RBFOX1: variants seen among roughly 807,000 people sequenced by gnomAD.
The protein encoded by RBFOX1 is RNA binding protein fox-1 homolog 1.
Under a neutral mutation model 57.7 loss-of-function variants are expected in RBFOX1, and 8 were observed. The observed-to-expected ratio is 0.14, with a 90% confidence interval of 0.08 to 0.25. RBFOX1 has a LOEUF of 0.25. Among genes scored for constraint, RBFOX1 ranks in the 10% least tolerant of loss-of-function variants. RBFOX1 has a pLI of 1.00. For missense variants in RBFOX1, 611 were observed against 548.5 expected (o/e 1.11, Z -1.14); for synonymous variants, 326 against 222.4 (o/e 1.47, Z -4.15).
chr16:6,468,412 G>A (rs1051126363), intron 2 of RBFOX1, among the ~76,000 whole-genome samples: 9 of 152,128 alleles, frequency 5.9e-5, no homozygotes, highest in African/African-American at 1.7e-4. Flanking sequence ...GCCCCGCAAC[G>A]ATGTTGTAAA....
chr16:5,256,383 T>C lies in RBFOX1; in HGVS notation c.219+16278T>C, dbSNP rs142969987. ...TCAAGTTCGGGGAGGGGGCTGACAA[T>C]GACCATGACCTTCACCTGTCCTCAC... is the stretch of plus-strand genomic sequence containing the variant. On this transcript the variant is annotated intron_variant, in intron 1 of 2. Coordinates refer to the RBFOX1 transcript ENST00000585867. 4.2e-3 allele frequency among the ~76,000 whole-genome samples: 636 copies of C among 152,256 alleles called. 4 individuals are homozygous for C. The highest frequency in any genetic ancestry group is 0.015 in the African/African-American group (606 of 41,544).
intron 3 of RBFOX1, among the ~76,000 whole-genome samples, chr16:5,801,922 G>T (rs528140827): frequency 6.6e-6 from 1 of 152,166 alleles, no homozygotes; most frequent in African/African-American, 2.4e-5. Flanking sequence ...ATAAAGGAAA[G>T]CGAATTCCCC....
At chr16:5,858,757 A>C (rs999643071) in intron 3 of RBFOX1, among the ~76,000 whole-genome samples, 1 of 152,176 alleles carries the variant, frequency 6.6e-6, no homozygotes, top group African/African-American at 2.4e-5. Context: ...AGGAGATGGG[A>C]AGGGAGGTAG....
chr16:6,069,290 C>T (rs578127718), intron 1 of RBFOX1, among the ~76,000 whole-genome samples: 2 of 149,686 alleles, frequency 1.3e-5, no homozygotes, highest in East Asian at 2.0e-4. Flanking sequence ...TCCAACTACT[C>T]GGGAGGCTGA....
At chr16:7,581,887 AT>A (rs752586919) in intron 6 of RBFOX1, among the ~76,000 whole-genome samples, 2 of 151,652 alleles carry the variant, frequency 1.3e-5, no homozygotes, top group South Asian at 2.1e-4. Context: ...ATTTTTAAGT[AT>A]TTTTTTTTAA....
intron 3 of RBFOX1, among the ~76,000 whole-genome samples, chr16:6,751,302 G>T (rs2074893484): frequency 1.3e-5 from 2 of 152,094 alleles, no homozygotes; most frequent in South Asian, 4.1e-4. Context: ...GTTGGCAGTG[G>T]TACGGGAGAG....
chr16:6,108,371 A>C lies in RBFOX1; in HGVS notation c.-127+88379A>C, dbSNP rs539967243. ...GTTTCCTATTCTGTGAAATAGAGAT[A>C]CTAACACTTGTAAGGTGGTTGTGAT... On this transcript the variant is annotated intron_variant, in intron 1 of 15. Transcript: ENST00000550418. 6.6e-5 allele frequency among the ~76,000 whole-genome samples: 10 copies of C among 152,298 alleles called. No homozygotes were observed. In the East Asian group the frequency reaches 1.9e-3, roughly 29 times the overall value.
At chr16:6,485,282 A>G (rs2095451923) in intron 2 of RBFOX1, among the ~76,000 whole-genome samples, 1 of 152,172 alleles carries the variant, frequency 6.6e-6, no homozygotes, top group Non-Finnish European at 1.5e-5. Context: ...GGTTATGAAG[A>G]GGGAATTGTT....
chr16:5,302,621 T>G (rs1256025764), intron 1 of RBFOX1, among the ~76,000 whole-genome samples: 2 of 152,208 alleles, frequency 1.3e-5, no homozygotes, highest in Non-Finnish European at 2.9e-5. Flanking sequence ...ACAGCATACA[T>G]TTTTAGGGTC....
At chr16:5,683,798 T>C (rs1054092264) in intron 3 of RBFOX1, among the ~76,000 whole-genome samples, 5 of 148,226 alleles carry the variant, frequency 3.4e-5, no homozygotes, top group African/African-American at 1.2e-4. Flanking sequence ...TTATATGTTT[T>C]ATATATTATA....
intron 1 of RBFOX1, among the ~76,000 whole-genome samples, chr16:6,140,921 G>C (rs1417388157): frequency 6.6e-6 from 1 of 152,142 alleles, no homozygotes; most frequent in Non-Finnish European, 1.5e-5. Context: ...GTGACCAAGG[G>C]ACACTCCAGT....
chr16:6,086,755 A>C (rs1429120639), intron 1 of RBFOX1, among the ~76,000 whole-genome samples: 1 of 152,198 alleles, frequency 6.6e-6, no homozygotes, highest in African/African-American at 2.4e-5. Flanking sequence ...ACCTTGTACA[A>C]AAGAGATATT....
At chr16:7,677,973 G>A (rs141339528) in intron 14 of RBFOX1, among the ~76,000 whole-genome samples, 19 of 152,252 alleles carry the variant, frequency 1.2e-4, no homozygotes, top group African/African-American at 4.3e-4. Context: ...CGTGGTGTTA[G>A]CTAATTGTAG....
At chr16:7,219,089 C>T (rs1476568897) in intron 4 of RBFOX1, among the ~76,000 whole-genome samples, 1 of 152,176 alleles carries the variant, frequency 6.6e-6, no homozygotes, top group East Asian at 1.9e-4. Context: ...CAGCAGTCTT[C>T]ATTATCCCCG....
chr16:7,354,734 TATTTAA>T (rs2097185127), intron 4 of RBFOX1, among the ~76,000 whole-genome samples: 1 of 152,210 alleles, frequency 6.6e-6, no homozygotes, highest in Non-Finnish European at 1.5e-5. Flanking sequence ...CACGTGTCTC[TATTTAA>T]ATTTAATTAA....
At chr16:7,012,572 A>G (rs190051866) in intron 3 of RBFOX1, among the ~76,000 whole-genome samples, 8 of 152,298 alleles carry the variant, frequency 5.3e-5, no homozygotes, top group African/African-American at 1.7e-4. Flanking sequence ...TCTCTTGTAC[A>G]GTGTGATTTT....
intron 2 of RBFOX1, among the ~76,000 whole-genome samples, chr16:5,504,397 G>A (rs930854548): frequency 6.6e-6 from 1 of 152,194 alleles, no homozygotes; most frequent in African/African-American, 2.4e-5. Flanking sequence ...AGGAAACCTG[G>A]GGCTTTTGTC....
chr16:6,383,520 A>G (rs2091996715), intron 2 of RBFOX1, among the ~76,000 whole-genome samples: 1 of 152,186 alleles, frequency 6.6e-6, no homozygotes, highest in African/African-American at 2.4e-5. Flanking sequence ...CATGCCTGTA[A>G]TGCCAGTATT....
At chr16:5,599,065 C>G (rs747045552) in exon 3 of RBFOX1, 3 of 1,048,334 alleles carry the variant, frequency 2.9e-6, no homozygotes, top group East Asian at 2.6e-5. Context: ...TGGTTTTTAC[C>G]TGAAACTGAT....
Sources: gnomAD v4.1 joint callset for allele counts (sites outside exome capture counted in the v4.1 genomes callset) on GRCh38, gnomAD v4.1.1 for gene constraint, MANE v1.5 for transcripts, NCBI Gene and HGNC (gene_info 2026-07-23, HGNC 2026-07-21) for gene names.